ADARB1: variants seen among roughly 807,000 people sequenced by gnomAD.
ADARB1 encodes the protein double-stranded RNA-specific editase 1.
Under a neutral mutation model 52.4 loss-of-function variants are expected in ADARB1, and 10 were observed. The observed-to-expected ratio is 0.19, with a 90% CI of 0.12 to 0.32. The LOEUF (loss-of-function observed/expected upper bound fraction) is 0.32, where lower values mean the gene tolerates loss of function less well. Ranked by LOEUF, ADARB1 falls within the 10% of genes least tolerant of loss-of-function variation. The pLI is 1.00. For missense variants in ADARB1, 643 were observed against 922.3 expected (o/e 0.70, Z 3.92); for synonymous variants, 349 against 371.1 (o/e 0.94, Z 0.68).
rs1327084076 is a variant in ADARB1, at chr21:45,170,416, A to G, written c.-47-1194A>G. On this transcript the variant is annotated intron_variant, in intron 2 of 10. Transcript: ENST00000348831. Reference sequence around the variant, plus strand: ...AGATTCTCAGAAAATATATCTTGAAATAGTTAATGACTATAAAATAATAAT... The same window carrying G: ...AGATTCTCAGAAAATATATCTTGAAGTAGTTAATGACTATAAAATAATAAT... Among the ~76,000 whole-genome samples the G allele has an allele frequency of 1.3e-5, 2 of 152,254 alleles. 1 individual carries two copies. The highest frequency in any genetic ancestry group is 1.3e-4 in the Admixed American group (2 of 15,290).
chr21:45,086,094 AC>A (rs1433030506), intron 1 of ADARB1, among the ~76,000 whole-genome samples: 4 of 152,210 alleles, frequency 2.6e-5, no homozygotes, highest in Non-Finnish European at 5.9e-5. Flanking sequence ...TTTGCCAGAC[AC>A]TGCTTGCTAT....
chr21:45,076,933 T>C (rs1201085502), intron 1 of ADARB1, among the ~76,000 whole-genome samples: 1 of 152,206 alleles, frequency 6.6e-6, no homozygotes, highest in African/African-American at 2.4e-5. Flanking sequence ...TACATTTGTA[T>C]TGATAGATTT....
chr21:45,114,213 G>A (rs2087706945), intron 1 of ADARB1, among the ~76,000 whole-genome samples: 1 of 152,200 alleles, frequency 6.6e-6, no homozygotes, highest in Admixed American at 6.5e-5. Flanking sequence ...CTTTTAGATG[G>A]AGTCATAGAT....
chr21:45,155,327 A>C (rs1316434768), intron 2 of ADARB1, among the ~76,000 whole-genome samples: 1 of 152,130 alleles, frequency 6.6e-6, no homozygotes, highest in East Asian at 1.9e-4. Flanking sequence ...TCACAGAGTG[A>C]GCAGAGCCAG....
At chr21:45,124,512 C>G (rs998024123) in intron 1 of ADARB1, among the ~76,000 whole-genome samples, 2 of 151,842 alleles carry the variant, frequency 1.3e-5, no homozygotes, top group African/African-American at 4.8e-5. Context: ...GTAGCTGTGA[C>G]TACAGGTGCA....
intron 1 of ADARB1, among the ~76,000 whole-genome samples, chr21:45,090,143 T>C (rs2086505554): frequency 6.6e-6 from 1 of 152,212 alleles, no homozygotes; most frequent in Non-Finnish European, 1.5e-5. Flanking sequence ...GGCAGTAGAA[T>C]TTTACCATAT....
chr21:45,210,628 C>T (rs982219972), intron 9 of ADARB1, among the ~76,000 whole-genome samples: 6 of 152,232 alleles, frequency 3.9e-5, no homozygotes, highest in South Asian at 2.1e-4. Context: ...CCGGGCCTGC[C>T]GTCACCCTTC....
At chr21:45,076,793 C>G (rs986830205) in intron 1 of ADARB1, among the ~76,000 whole-genome samples, 1 of 152,156 alleles carries the variant, frequency 6.6e-6, no homozygotes, top group African/African-American at 2.4e-5. Context: ...ATGCATAAAA[C>G]AAACTTAATC....
At chr21:45,167,643 C>G (rs530037236) in intron 2 of ADARB1, among the ~76,000 whole-genome samples, 1 of 151,974 alleles carries the variant, frequency 6.6e-6, no homozygotes, top group Non-Finnish European at 1.5e-5. Flanking sequence ...CCCAGCTACT[C>G]GGGAGGCTGA....
intron 8 of ADARB1, among the ~76,000 whole-genome samples, chr21:45,189,249 T>C (rs949400098): frequency 6.6e-6 from 1 of 152,160 alleles, no homozygotes; most frequent in Non-Finnish European, 1.5e-5. Context: ...TCTTTTTGTG[T>C]ATATTCTACA....
chr21:45,218,510 C>T (rs897558182), intron 9 of ADARB1, among the ~76,000 whole-genome samples: 8 of 152,256 alleles, frequency 5.3e-5, no homozygotes, highest in Admixed American at 1.3e-4. Flanking sequence ...ATCAGTGCTC[C>T]GCAGGATATT....
rs113912968 is a variant in ADARB1 at position 45,095,773 on chromosome 21, C to T, written c.-220+20980C>T. Among the ~76,000 whole-genome samples, 899 of 152,296 alleles carry T rather than the reference C, an allele frequency of 5.9e-3. 15 individuals are homozygous for T. Among genetic ancestry groups the T allele is most frequent in the African/African-American group, 0.02 (851 of 41,552 alleles). ...TCTCATTGGCTGGAAGAGTATTACA[C>T]GGCTACCTCTGGTTGCCCAGATGCC... On this transcript the variant is annotated intron_variant, in intron 1 of 10. Coordinates refer to ENST00000348831, the MANE Select transcript of ADARB1 (RefSeq NM_001112.4).
At chr21:45,163,560 G>A (rs776129848) in intron 2 of ADARB1, among the ~76,000 whole-genome samples, 3 of 151,696 alleles carry the variant, frequency 2.0e-5, no homozygotes, top group South Asian at 2.1e-4. Context: ...CACCAGGGGC[G>A]CTGACTCTGG....
Position 45,222,208 on chromosome 21 carries a change from C to T in ADARB1, c.*11C>T. 3 of 1,548,476 alleles carry T rather than the reference C, an allele frequency of 1.9e-6. No homozygotes were observed. The highest frequency in any genetic ancestry group is 2.6e-6 in the Non-Finnish European group (3 of 1,151,692). ...TCACTCACGCCCTGACCCGGGCAGA[C>T]ATGATGGGGGGTGCAGGGGGCTGTG... On this transcript the variant is annotated 3_prime_UTR_variant, in exon 11 of 11. Coordinates refer to ENST00000348831, the MANE Select transcript of ADARB1 (RefSeq NM_001112.4).
In ADARB1 at chr21:45,197,985, C is replaced by A. The variant is rs1392646174; in HGVS notation, c.1566-6570C>A. ...GGGTACATACAAATGTCAAAACTTA[C>A]CACAGTGTCCCTTTAAGCGTGTGCA... On this transcript the variant is annotated intron_variant, in intron 8 of 10. Transcript: ENST00000348831. 2.6e-5 allele frequency among the ~76,000 whole-genome samples: 4 copies of A among 152,190 alleles called. No individual in the cohort carries two copies. In the South Asian group the frequency reaches 6.3e-4, roughly 24 times the overall value.
Position 45,223,790 on chromosome 21 carries a change from T to A in ADARB1, c.*1593T>A, listed in dbSNP as rs2093007755. On this transcript the variant is annotated 3_prime_UTR_variant, in exon 11 of 11. Coordinates refer to ENST00000348831, the MANE Select transcript of ADARB1 (RefSeq NM_001112.4). ...TGGCTTCGGCGGGGGGTGTGCCTCC[T>A]GATGTCAGGAGCCCCATCCACGTGT... 1.0e-6 allele frequency: 1 copy of A among 985,218 alleles called. No homozygotes were observed. Among genetic ancestry groups the A allele is most frequent in the Admixed American group, 6.1e-5 (1 of 16,266 alleles). The allele number at this position is 985,218 out of a possible 1,614,324, so 61.0% of individuals were successfully genotyped here.
chr21:45,125,819 G>A (rs561791099), intron 1 of ADARB1, among the ~76,000 whole-genome samples: 1 of 152,210 alleles, frequency 6.6e-6, no homozygotes, highest in East Asian at 1.9e-4. Context: ...GCCGTTATAT[G>A]TAATTAATAC....
chr21:45,188,676 A>G (rs982473901), intron 8 of ADARB1, among the ~76,000 whole-genome samples: 1 of 151,558 alleles, frequency 6.6e-6, no homozygotes, highest in African/African-American at 2.4e-5. Context: ...ATTCATTGAC[A>G]TTTAAAGTAA....
chr21:45,082,824 C>T (rs773522906), intron 1 of ADARB1, among the ~76,000 whole-genome samples: 1 of 152,230 alleles, frequency 6.6e-6, no homozygotes, highest in African/African-American at 2.4e-5. Flanking sequence ...TCTTCTTCCA[C>T]TTCTGGTCTC....
Sources: gnomAD v4.1 joint callset for allele counts (sites outside exome capture counted in the v4.1 genomes callset) on GRCh38, gnomAD v4.1.1 for gene constraint, MANE v1.5 for transcripts, NCBI Gene and HGNC (gene_info 2026-07-23, HGNC 2026-07-21) for gene names.